The following ROBO3 variants were observed in gnomAD, a reference collection of about 807,000 sequenced individuals.
The protein encoded by ROBO3 is roundabout homolog 3.
In ROBO3, 97 loss-of-function variants were observed where a neutral mutation model predicts 160.5. That is an observed-to-expected ratio of 0.60 (90% CI 0.51 to 0.72). The LOEUF (loss-of-function observed/expected upper bound fraction) is 0.72. Among genes scored for constraint, ROBO3 ranks in the 30% least tolerant of loss-of-function variants. The pLI is 0.00. For synonymous variants in ROBO3, 780 were observed against 746.2 expected (o/e 1.05, Z -0.74); for missense variants, 1,858 against 1,846.5 (o/e 1.01, Z -0.11).
Position 124,873,297 on chromosome 11 carries a change from C to T in ROBO3, c.1537-13C>T. On this transcript the variant is annotated splice_polypyrimidine_tract_variant and intron_variant, in intron 9 of 27. Transcript: ENST00000397801. This position sits in a 1 kb window ranked among gnomAD's most constrained non-coding sequence, Gnocchi z 4.5. ...CCACTCTCAGTTTGCCAGTGCTCTG[C>T]CCTCTCTTCCAGGAGATGGACATGG... is the stretch of plus-strand genomic sequence containing the variant. The T allele has an allele frequency of 6.2e-7, 1 of 1,602,728 alleles. No individual in the cohort carries two copies. The highest frequency in any genetic ancestry group is 8.5e-7 in the Non-Finnish European group (1 of 1,174,670).
At position 124,876,908 on chromosome 11, in the gene ROBO3, C is replaced by A. The variant is rs574793851; in HGVS notation, c.2780-253C>A. ...TGCTACTTCCTAGTAAGGGACGTCT[C>A]TGGAGAGATTCTGAGGTGTTTGAGG... On this transcript the variant is annotated intron_variant, in intron 17 of 27. Coordinates refer to ENST00000397801, the MANE Select transcript of ROBO3 (RefSeq NM_022370.4). This position sits in a 1 kb window ranked among gnomAD's most constrained non-coding sequence, Gnocchi z 5.3. 9 of 608,556 alleles carry A rather than the reference C, an allele frequency of 1.5e-5. No individual in the cohort carries two copies. In the Admixed American group the frequency reaches 2.2e-4, roughly 15 times the overall value. The allele number at this position is 608,556 out of a possible 1,614,324, so 37.7% of individuals were successfully genotyped here. A position where few individuals can be genotyped will look rare whatever the true frequency, so the allele number is the denominator to read the frequency against.
At chr11:124,870,881 C>T in intron 6 of ROBO3, 133 bp from the exon 7 acceptor site, 1 of 1,517,988 alleles carries the variant, frequency 6.6e-7, no homozygotes, top group South Asian at 1.2e-5. Flanking sequence ...GAACACTAAA[C>T]AGGCCGGGAG....
rs1260574279 is a variant in ROBO3, at chr11:124,872,564, T to C, written c.1330+12T>C. On this transcript the variant is annotated intron_variant, in intron 8 of 27. Transcript: ENST00000397801. This position sits in a 1 kb window ranked among gnomAD's most constrained non-coding sequence, Gnocchi z 4.3. ...GGAGATAAAAGGAGGTACGTGCCCA[T>C]GGAGATAGGACTGGATCCATGGCTT... is the stretch of plus-strand genomic sequence containing the variant. The C allele has an allele frequency of 4.3e-6, 7 of 1,611,082 alleles. No homozygotes were observed. Among genetic ancestry groups the C allele is most frequent in the Non-Finnish European group, 5.9e-6 (7 of 1,177,854 alleles).
rs941970386 is a variant in ROBO3 at position 124,877,451 on chromosome 11, G to T, written c.2847-68G>T. 134 of 1,596,988 alleles carry T rather than the reference G, an allele frequency of 8.4e-5. No individual in the cohort carries two copies. In the Middle Eastern group the frequency reaches 1.9e-3, roughly 22 times the overall value. On this transcript the variant is annotated intron_variant, in intron 19 of 27. Transcript: ENST00000397801. ...CACTGTCCTGAAACTCCCGAATATC[G>T]CCACCTCCCTTTCCTTTGCTGGCCT...
chr11:124,871,143 G>T lies in ROBO3; in HGVS notation c.1158+5G>T. 1 of 1,611,636 alleles carries T rather than the reference G, an allele frequency of 6.2e-7. No homozygotes were observed. Reference sequence around the variant, plus strand: ...TGGCAGAAGGAGGGGAGTCAGGTGGGTGGCCATCTCCAAGGAGCTTCCCAT... The same window carrying T: ...TGGCAGAAGGAGGGGAGTCAGGTGGTTGGCCATCTCCAAGGAGCTTCCCAT... On this transcript the variant is annotated splice_donor_5th_base_variant and intron_variant, in intron 7 of 27. Transcript: ENST00000397801.
At position 124,872,714 on chromosome 11, in the gene ROBO3, T is replaced by C. The variant is rs562990741; in HGVS notation, c.1330+162T>C. 6.6e-6 allele frequency among the ~76,000 whole-genome samples: 1 copy of C among 152,318 alleles called. No individual in the cohort carries two copies. Among genetic ancestry groups the C allele is most frequent in the African/African-American group, 2.4e-5 (1 of 41,572 alleles). ...GGAAACCAGCAGCAGAAGCCACTAA[T>C]AATGGCTGGTCCTGGGCAGAGACTT... On this transcript the variant is annotated intron_variant, in intron 8 of 27. Coordinates refer to ENST00000397801, the MANE Select transcript of ROBO3 (RefSeq NM_022370.4). The surrounding 1 kb of genome is among the most constrained non-coding windows in gnomAD (Gnocchi z 4.3).
intron 1 of ROBO3, among the ~76,000 whole-genome samples, chr11:124,866,173 G>T (rs1169897624): frequency 2.0e-5 from 3 of 152,228 alleles, no homozygotes; most frequent in African/African-American, 7.2e-5. Flanking sequence ...AGTTTCCCAA[G>T]AACTCACTTA....
Position 124,881,341 on chromosome 11 carries a change from C to A in ROBO3, c.*91C>A, listed in dbSNP as rs965189500. ...CCCCAGCAGTGATGAGTGGGGCTAG[C>A]TGAAGCCCATTGGTTTCCACGATTT... On this transcript the variant is annotated 3_prime_UTR_variant, in exon 28 of 28. Transcript: ENST00000397801. 4.7e-6 allele frequency: 6 copies of A among 1,283,940 alleles called. No individual in the cohort carries two copies. The African/African-American group carries it at 5.9e-5, about 13-fold the overall frequency. 79.5% of individuals were successfully genotyped at this position (1,283,940 alleles called of 1,614,324 possible).
rs1180656533 is a variant in ROBO3, at chr11:124,876,672, T to C, written c.2779+212T>C. The stretch of plus-strand genomic sequence containing the variant: ...CTGCGGGCCAAGACGGGGCGGGATC[T>C]GGATGACGTTTGCCTCTAAGACGCC... On this transcript the variant is annotated intron_variant, in intron 17 of 27. Transcript: ENST00000397801. The surrounding 1 kb of genome is among the most constrained non-coding windows in gnomAD (Gnocchi z 5.3). 1 of 472,860 alleles carries C rather than the reference T, an allele frequency of 2.1e-6. No individual in the cohort carries two copies. Among genetic ancestry groups the C allele is most frequent in the Non-Finnish European group, 3.6e-6 (1 of 274,394 alleles). 29.3% of individuals were successfully genotyped at this position (472,860 alleles called of 1,614,324 possible).
At position 124,876,207 on chromosome 11, in the gene ROBO3, C is replaced by A. The variant is rs1565313674; in HGVS notation, c.2594-68C>A. ...ACTGGGGTAGCTGTGCCTGCCGGGT[C>A]GGGAATGACCCTTTCCCAGTTCCAG... On this transcript the variant is annotated intron_variant, in intron 16 of 27. Transcript: ENST00000397801. The surrounding 1 kb of genome is among the most constrained non-coding windows in gnomAD (Gnocchi z 5.3). 3.3e-6 allele frequency: 5 copies of A among 1,511,782 alleles called. No individual in the cohort carries two copies. Among genetic ancestry groups the A allele is most frequent in the Non-Finnish European group, 3.5e-6 (4 of 1,137,394 alleles). The allele number at this position is 1,511,782 out of a possible 1,614,324, so 93.6% of individuals were successfully genotyped here. A position where few individuals can be genotyped will look rare whatever the true frequency, so the allele number is the denominator to read the frequency against.
chr11:124,878,372 C>T lies in ROBO3; in HGVS notation c.3256C>T (p.Pro1086Ser), dbSNP rs1299739387. ...CTCTCTGAACTGGCCAGAAGCCCTG[C>T]CCCCACCTCCTCCTTCTTGTGAACT... Reference protein sequence around the residue: ...MPSLNWPEALPPPPPSCELSC... With the variant: ...MPSLNWPEALSPPPPSCELSC... Residue 1086 changes from proline (P) to serine (S), a missense_variant, in exon 22 of 28, where the codon CCC becomes TCC. By Grantham distance (74) the Pro-to-Ser change is moderately conservative. Transcript: ENST00000397801. The surrounding 1 kb of genome is among the most constrained non-coding windows in gnomAD (Gnocchi z 4.3). 6.2e-7 allele frequency: 1 copy of T among 1,613,940 alleles called. No individual in the cohort carries two copies. Among genetic ancestry groups the T allele is most frequent in the Non-Finnish European group, 8.5e-7 (1 of 1,179,864 alleles).
intron 14 of ROBO3, 48 bp downstream of exon 14, chr11:124,875,384 TG>T (rs1946342484): frequency 2.4e-6 from 1 of 421,408 alleles, no homozygotes; most frequent in South Asian, 3.2e-5. Flanking sequence ...GAAGAAGGGG[TG>T]GGGGTGGAGG....
Position 124,869,209 on chromosome 11 carries a change from C to T in ROBO3, c.487+81C>T. ...GGCACTGGGCAATCAGACCCAGAACCAGCCCCAAAGGACTTCAGCCCACTC... is the reference window on the plus strand; with the variant it reads ...GGCACTGGGCAATCAGACCCAGAACTAGCCCCAAAGGACTTCAGCCCACTC... On this transcript the variant is annotated intron_variant, in intron 2 of 27. Transcript: ENST00000397801. The surrounding 1 kb of genome is among the most constrained non-coding windows in gnomAD (Gnocchi z 4.2). The T allele has an allele frequency of 1.4e-6, 2 of 1,419,054 alleles. No homozygotes were observed. The highest frequency in any genetic ancestry group is 9.5e-7 in the Non-Finnish European group (1 of 1,047,406). 87.9% of individuals were successfully genotyped at this position (1,419,054 alleles called of 1,614,324 possible).
intron 1 of ROBO3, chr11:124,868,544 C>T: frequency 1.6e-6 from 1 of 614,184 alleles, no homozygotes; most frequent in Admixed American, 2.6e-5. Flanking sequence ...GTCCAGAAAG[C>T]CGGCCTAGAA....
rs368813617 is a variant in ROBO3 at position 124,865,653 on chromosome 11, T to C, written c.76T>C (p.Ser26Pro). The change falls in exon 1 of 28, where the codon TCC (serine) becomes CCC (proline). Residue 26 changes from serine to proline, a missense_variant. By Grantham distance (74) the Ser-to-Pro change is moderately conservative. Transcript: ENST00000397801. The surrounding 1 kb of genome is among the most constrained non-coding windows in gnomAD (Gnocchi z 5.5). ...ADSLAGDISN[S>P]SELLLGFNSS... ...CTCTCTGGCCGGGGACATCTCCAAC[T>C]CCAGCGAGCTGCTCTTGGGCTTCAA... 4.9e-5 allele frequency: 79 copies of C among 1,612,800 alleles called. No homozygotes were observed. In the East Asian group the frequency reaches 9.4e-4, roughly 19 times the overall value.
At chr11:124,871,311 G>A (rs983606988) in intron 7 of ROBO3, among the ~76,000 whole-genome samples, 173 bp downstream of exon 7, 1 of 152,180 alleles carries the variant, frequency 6.6e-6, no homozygotes, top group Non-Finnish European at 1.5e-5. Flanking sequence ...TAAAAGGCCT[G>A]GAACACATTG....
rs1856222002 is a variant in ROBO3 at position 124,875,640 on chromosome 11, AC to A, written c.2378del (p.Pro793LeufsTer211). 2.5e-6 allele frequency: 4 copies of A among 1,609,914 alleles called. No homozygotes were observed. On this transcript the variant is annotated frameshift_variant, in exon 15 of 28. Coordinates refer to ENST00000397801, the MANE Select transcript of ROBO3 (RefSeq NM_022370.4). LOFTEE classifies it high-confidence loss of function. Reference sequence around the variant, plus strand: ...ACAGCAGTATCACTGTGTCCTGGGAACCTCCACTCCCCTCCCAGCAAAATGG... The same window carrying A: ...ACAGCAGTATCACTGTGTCCTGGGAACTCCACTCCCCTCCCAGCAAAATGG... ...GNSSITVSWEPPLPSQQNGVI... is the reference protein window; with the variant it reads ...GNSSITVSWEXPLPSQQNGVI...
At chr11:124,870,902 A>G (rs1488788345) in intron 6 of ROBO3, 112 bp from the exon 7 acceptor site, 3 of 1,523,692 alleles carry the variant, frequency 2.0e-6, no homozygotes, top group Non-Finnish European at 2.7e-6. Context: ...GAAGAGATGG[A>G]TATCTGCTCC....
chr11:124,865,595 G>C lies in ROBO3; in HGVS notation c.18G>C (p.Leu6=), dbSNP rs945854353. ...GTCGAGCCATGCTGCGCTACCTGCT[G>C]AAAACGCTGCTGCAGATGAACTTGT... MLRYL[L]KTLLQMNLFA... The change falls in exon 1 of 28, where the codon CTG becomes CTC. Residue 6 remains leucine (L), a synonymous_variant. Coordinates refer to ENST00000397801, the MANE Select transcript of ROBO3 (RefSeq NM_022370.4). This position sits in a 1 kb window ranked among gnomAD's most constrained non-coding sequence, Gnocchi z 5.5. 1.3e-5 allele frequency: 21 copies of C among 1,612,310 alleles called. No homozygotes were observed. The highest frequency in any genetic ancestry group is 1.7e-5 in the Non-Finnish European group (20 of 1,179,778).
Sources: gnomAD v4.1 joint callset for allele counts (sites outside exome capture counted in the v4.1 genomes callset) on GRCh38, gnomAD v4.1.1 for gene constraint, Gnocchi (gnomAD v3.1) non-coding constraint, MANE v1.5 for transcripts, NCBI Gene and HGNC (gene_info 2026-07-23, HGNC 2026-07-21) for gene names.